The following ACBD6 variants were observed in gnomAD, a reference collection of about 807,000 sequenced individuals.
ACBD6 encodes acyl-CoA binding domain containing 6.
In ACBD6, 28 loss-of-function variants were observed where a neutral mutation model predicts 37.2. That is an observed-to-expected ratio of 0.75 (90% CI 0.56 to 1.03). ACBD6 has a LOEUF of 1.03. Among genes scored for constraint, ACBD6 ranks in the 50% least tolerant of loss-of-function variants. The pLI is 0.00. For synonymous variants in ACBD6, 113 were observed against 126.8 expected (o/e 0.89, Z 0.73); for missense variants, 340 against 337.4 (o/e 1.01, Z -0.06).
intron 1 of ACBD6, among the ~76,000 whole-genome samples, chr1:180,495,916 C>G (rs1412025704): frequency 6.6e-6 from 1 of 152,054 alleles, no homozygotes; most frequent in East Asian, 1.9e-4. Context: ...CATAATTTAT[C>G]AGAATTCATA....
intron 1 of ACBD6, among the ~76,000 whole-genome samples, chr1:180,498,329 T>C (rs1651814499): frequency 6.6e-6 from 1 of 152,250 alleles, no homozygotes; most frequent in Non-Finnish European, 1.5e-5. Context: ...CTTATTTCGT[T>C]CATTTTTAAG....
In ACBD6 at chr1:180,502,241, C is replaced by T. The variant is rs997346910; in HGVS notation, c.26G>A (p.Gly9Glu). 1.2e-6 allele frequency: 2 copies of T among 1,613,742 alleles called. No homozygotes were observed. The highest frequency in any genetic ancestry group is 8.5e-7 in the Non-Finnish European group (1 of 1,180,048). ...TCCACCGCTGTCGCCGGTGATGGCC[C>T]CCGCGGGCAGGAATGATGAAGCCAT... MASSFLPA[G>E]AITGDSGGEL... Residue 9 changes from glycine (G) to glutamate (E), a missense_variant, in exon 1 of 8, where the codon GGG becomes GAG. Gly to Glu is a moderately conservative substitution (Grantham distance 98). Transcript: ENST00000367595.
chr1:180,498,815 G>A lies in ACBD6; in HGVS notation c.222+3230C>T, dbSNP rs957358838. On this transcript the variant is annotated intron_variant, in intron 1 of 7. Coordinates refer to ENST00000367595, the MANE Select transcript of ACBD6 (RefSeq NM_032360.4). ...GGAGGTTGTAGTGAGCCCAGATTAC[G>A]CCACTGCATTCCAGCCTGGATGACA... Among the ~76,000 whole-genome samples the A allele has an allele frequency of 2.7e-5, 4 of 150,340 alleles. No individual in the cohort carries two copies. The South Asian group carries it at 6.2e-4, about 23-fold the overall frequency.
At chr1:180,319,864 C>T (rs1417965232) in intron 6 of ACBD6, among the ~76,000 whole-genome samples, 1 of 152,166 alleles carries the variant, frequency 6.6e-6, no homozygotes, top group Non-Finnish European at 1.5e-5. Flanking sequence ...AATAATACTC[C>T]ATTGTATATA....
intron 6 of ACBD6, among the ~76,000 whole-genome samples, chr1:180,359,479 T>G (rs1652762617): frequency 6.6e-6 from 1 of 152,124 alleles, no homozygotes; most frequent in African/African-American, 2.4e-5. Context: ...AAATATAAAG[T>G]GTCACGCAAA....
At chr1:180,329,559 G>C (rs1402213303) in intron 6 of ACBD6, among the ~76,000 whole-genome samples, 1 of 152,052 alleles carries the variant, frequency 6.6e-6, no homozygotes, top group Non-Finnish European at 1.5e-5. Context: ...ATAGATCTGT[G>C]TATTTTATGT....
intron 4 of ACBD6, among the ~76,000 whole-genome samples, chr1:180,429,542 T>A (rs1648728517): frequency 1.3e-5 from 2 of 152,176 alleles, no homozygotes; most frequent in African/African-American, 4.8e-5. Flanking sequence ...CTGTATAGAA[T>A]GCTGCTATGA....
At chr1:180,297,371 TC>T (rs1649959414) in intron 7 of ACBD6, among the ~76,000 whole-genome samples, 1 of 152,182 alleles carries the variant, frequency 6.6e-6, no homozygotes, top group Admixed American at 6.5e-5. Context: ...TCTAAGTGAA[TC>T]AAAGTGGAGG....
intron 7 of ACBD6, among the ~76,000 whole-genome samples, chr1:180,293,192 A>G (rs1649782883): frequency 6.6e-6 from 1 of 151,978 alleles, no homozygotes; most frequent in Non-Finnish European, 1.5e-5. Flanking sequence ...TTTTCCTCTA[A>G]GGTCTTTGTC....
intron 5 of ACBD6, among the ~76,000 whole-genome samples, chr1:180,405,015 C>T (rs368127626): frequency 1.3e-5 from 2 of 152,152 alleles, no homozygotes; most frequent in East Asian, 3.8e-4. Flanking sequence ...TAACGCATTT[C>T]TCAGTCATTA....
At chr1:180,386,459 G>A (rs1653847883) in intron 6 of ACBD6, among the ~76,000 whole-genome samples, 1 of 152,046 alleles carries the variant, frequency 6.6e-6, no homozygotes, top group Non-Finnish European at 1.5e-5. Flanking sequence ...ATAGGTTTAT[G>A]CCTTTTATCA....
intron 5 of ACBD6, among the ~76,000 whole-genome samples, chr1:180,410,180 T>G (rs1376505410): frequency 6.6e-6 from 1 of 152,256 alleles, no homozygotes; most frequent in Non-Finnish European, 1.5e-5. Flanking sequence ...AGTCTGAAGC[T>G]AGCAAAGGCT....
intron 6 of ACBD6, among the ~76,000 whole-genome samples, chr1:180,376,759 G>C (rs988710781): frequency 6.6e-6 from 1 of 152,056 alleles, no homozygotes; most frequent in African/African-American, 2.4e-5. Context: ...CAGGAACGGG[G>C]GAAAAATAAC....
rs57757716 is a variant in ACBD6 at position 180,389,067 on chromosome 1, A to G, written c.663+8449T>C. On this transcript the variant is annotated intron_variant, in intron 6 of 7. Coordinates refer to ENST00000367595, the MANE Select transcript of ACBD6 (RefSeq NM_032360.4). ...TGTGCACAACGTGCAGGTTAGTTTC[A>G]TATGTATACATGTGCCATGTTGGTG... Among the ~76,000 whole-genome samples, 931 of 152,212 alleles carry G rather than the reference A, an allele frequency of 6.1e-3. 17 individuals carry two copies. Among genetic ancestry groups the G allele is most frequent in the African/African-American group, 0.021 (888 of 41,532 alleles).
chr1:180,389,666 GT>G (rs1447609249), intron 6 of ACBD6, among the ~76,000 whole-genome samples: 1 of 152,178 alleles, frequency 6.6e-6, no homozygotes, highest in Non-Finnish European at 1.5e-5. Context: ...AGCACCTGTT[GT>G]TTCCTGATTT....
intron 6 of ACBD6, among the ~76,000 whole-genome samples, chr1:180,372,083 T>C (rs1653284025): frequency 1.3e-5 from 2 of 152,052 alleles, no homozygotes; most frequent in Admixed American, 1.3e-4. Context: ...TGATGATGGA[T>C]AAACAACAAT....
chr1:180,294,549 TATAATA>T (rs79651267), intron 7 of ACBD6, among the ~76,000 whole-genome samples: 1 of 151,444 alleles, frequency 6.6e-6, no homozygotes, highest in Admixed American at 6.6e-5. Context: ...TAAAAAAATA[TATAATA>T]ATAATAATAA....
At chr1:180,368,760 G>A (rs760824772) in intron 6 of ACBD6, among the ~76,000 whole-genome samples, 94 of 151,484 alleles carry the variant, frequency 6.2e-4, no homozygotes, top group African/African-American at 2.2e-3. Flanking sequence ...GGCACAGTAA[G>A]AGATCAGCAA....
intron 4 of ACBD6, among the ~76,000 whole-genome samples, chr1:180,414,717 G>A (rs1397019102): frequency 6.6e-6 from 1 of 152,070 alleles, no homozygotes; most frequent in African/African-American, 2.4e-5. Flanking sequence ...ACAGAACAGG[G>A]GAAAAACAAC....
Sources: gnomAD v4.1 joint callset for allele counts (sites outside exome capture counted in the v4.1 genomes callset) on GRCh38, gnomAD v4.1.1 for gene constraint, MANE v1.5 for transcripts, NCBI Gene and HGNC (gene_info 2026-07-23, HGNC 2026-07-21) for gene names.